ARHGAP10: variants seen among roughly 807,000 people sequenced by gnomAD.
ARHGAP10 encodes the protein Rho GTPase activating protein 10, also known as rho GTPase-activating protein 10.
ARHGAP10 carries 87 observed loss-of-function variants against 108.6 expected under a neutral mutation model. That is an observed-to-expected ratio of 0.80 (90% CI 0.67 to 0.96). The LOEUF (loss-of-function observed/expected upper bound fraction) is 0.96, where lower values mean the gene tolerates loss of function less well. Among genes scored for constraint, ARHGAP10 ranks in the 40% least tolerant of loss-of-function variants. The pLI is 0.00. For missense variants in ARHGAP10, 939 were observed against 954.5 expected (o/e 0.98, Z 0.21); for synonymous variants, 347 against 341.1 (o/e 1.02, Z -0.19).
intron 10 of ARHGAP10, among the ~76,000 whole-genome samples, chr4:147,890,457 G>A (rs1735754530): frequency 1.3e-5 from 2 of 152,160 alleles, no homozygotes; most frequent in Non-Finnish European, 2.9e-5. Context: ...AAGAACCATT[G>A]TAACTCAATA....
At chr4:148,050,156 C>T (rs1315507755) in intron 20 of ARHGAP10, among the ~76,000 whole-genome samples, 1 of 151,974 alleles carries the variant, frequency 6.6e-6, no homozygotes, top group African/African-American at 2.4e-5. Flanking sequence ...CGTGAGCTAC[C>T]GTGCCCTGCC....
chr4:147,936,634 C>T lies in ARHGAP10; in HGVS notation c.1229-3191C>T, dbSNP rs1737958504. Among the ~76,000 whole-genome samples the T allele has an allele frequency of 2.6e-5, 4 of 152,156 alleles. No individual in the cohort carries two copies. In the South Asian group the frequency reaches 6.2e-4, roughly 24 times the overall value. ...GTGAGCCACCGCGCCCGGCCCTTTT[C>T]CTCTCTTATAGTTGCTGAATGTTCG... On this transcript the variant is annotated intron_variant, in intron 13 of 22. Transcript: ENST00000336498.
At chr4:147,804,147 C>G (rs892104530) in intron 1 of ARHGAP10, among the ~76,000 whole-genome samples, 7 of 152,048 alleles carry the variant, frequency 4.6e-5, no homozygotes, top group East Asian at 1.9e-4. Flanking sequence ...GATCCTCACC[C>G]TCCTCCTACC....
intron 20 of ARHGAP10, among the ~76,000 whole-genome samples, chr4:148,061,874 A>G (rs1159405978): frequency 6.6e-6 from 1 of 152,210 alleles, no homozygotes; most frequent in Non-Finnish European, 1.5e-5. Flanking sequence ...GAGAACAACC[A>G]GTATCAATGT....
chr4:148,060,349 T>C (rs1386161616), intron 20 of ARHGAP10, among the ~76,000 whole-genome samples: 3 of 150,870 alleles, frequency 2.0e-5, no homozygotes, highest in Non-Finnish European at 3.0e-5. Flanking sequence ...TGTTTAGTTT[T>C]TTTTTTTTTT....
chr4:148,049,445 G>T (rs978736101), intron 20 of ARHGAP10, among the ~76,000 whole-genome samples: 1 of 152,182 alleles, frequency 6.6e-6, no homozygotes, highest in African/African-American at 2.4e-5. Flanking sequence ...TTCTAGGGTC[G>T]TGCGTTGCTG....
At chr4:147,832,339 TA>T (rs1210669885) in intron 3 of ARHGAP10, among the ~76,000 whole-genome samples, 12 of 151,738 alleles carry the variant, frequency 7.9e-5, no homozygotes, top group African/African-American at 2.7e-4. Context: ...TTTGACCACT[TA>T]ATTTTTTTTT....
At chr4:148,034,576 A>G (rs1195816751) in intron 19 of ARHGAP10, among the ~76,000 whole-genome samples, 1 of 151,084 alleles carries the variant, frequency 6.6e-6, no homozygotes, top group Non-Finnish European at 1.5e-5. Flanking sequence ...TGGTCCACAC[A>G]CTTCGGCCTC....
chr4:147,927,534 C>T (rs767590356), intron 13 of ARHGAP10, among the ~76,000 whole-genome samples: 16 of 152,232 alleles, frequency 1.1e-4, no homozygotes, highest in African/African-American at 3.6e-4. Flanking sequence ...CCATAAAACT[C>T]GGTAGCTGAG....
At position 147,895,256 on chromosome 4, in the gene ARHGAP10, A is replaced by G. The variant is rs368905999; in HGVS notation, c.1035-11382A>G. On this transcript the variant is annotated intron_variant, in intron 10 of 22. Coordinates refer to ENST00000336498, the MANE Select transcript of ARHGAP10 (RefSeq NM_024605.4). Reference sequence around the variant, plus strand: ...TACCTTTAATTTCCAACTGGTCACTATTAGCATGTAGAAACATACTTGGTT... The same window carrying G: ...TACCTTTAATTTCCAACTGGTCACTGTTAGCATGTAGAAACATACTTGGTT... Among the ~76,000 whole-genome samples, 20 of 152,166 alleles carry G rather than the reference A, an allele frequency of 1.3e-4. 1 individual carries two copies. The highest frequency in any genetic ancestry group is 4.6e-4 in the African/African-American group (19 of 41,536).
chr4:147,837,689 T>G (rs1313767322), intron 3 of ARHGAP10, among the ~76,000 whole-genome samples: 1 of 118,398 alleles, frequency 8.4e-6, no homozygotes, highest in Admixed American at 1.0e-4. Context: ...AATCCAAGTC[T>G]TGGATGGGAC....
At chr4:147,962,790 G>C (rs1212040965) in intron 16 of ARHGAP10, among the ~76,000 whole-genome samples, 2 of 151,840 alleles carry the variant, frequency 1.3e-5, no homozygotes, top group Non-Finnish European at 2.9e-5. Flanking sequence ...CAGTCTCCTG[G>C]GTAGCTGGGA....
chr4:147,795,248 C>T (rs1057419875), intron 1 of ARHGAP10, among the ~76,000 whole-genome samples: 1 of 152,122 alleles, frequency 6.6e-6, no homozygotes, highest in Non-Finnish European at 1.5e-5. Flanking sequence ...ATGCTATGCC[C>T]ATTTGAGTTT....
At chr4:148,024,326 T>A (rs75336104) in intron 19 of ARHGAP10, among the ~76,000 whole-genome samples, 283 of 152,342 alleles carry the variant, frequency 1.9e-3, no homozygotes, top group African/African-American at 6.3e-3. Context: ...TCATTTATTA[T>A]CCTTGAGCTA....
chr4:147,935,346 A>G (rs1373808305), intron 13 of ARHGAP10, among the ~76,000 whole-genome samples: 2 of 151,076 alleles, frequency 1.3e-5, no homozygotes, highest in Non-Finnish European at 2.9e-5. Flanking sequence ...AAATAAAAAG[A>G]TAGAAGACAG....
intron 3 of ARHGAP10, among the ~76,000 whole-genome samples, chr4:147,836,218 G>C (rs1733165275): frequency 6.6e-6 from 1 of 152,170 alleles, no homozygotes; most frequent in Admixed American, 6.5e-5. Context: ...GTAGACTTTG[G>C]TGATACATTG....
chr4:147,908,621 C>T (rs1238198387), intron 11 of ARHGAP10, among the ~76,000 whole-genome samples: 4 of 152,182 alleles, frequency 2.6e-5, no homozygotes, highest in Non-Finnish European at 5.9e-5. Flanking sequence ...TAAAGGTTGC[C>T]TAGAATTATC....
At chr4:147,891,563 G>A (rs1027624766) in intron 10 of ARHGAP10, among the ~76,000 whole-genome samples, 2 of 152,156 alleles carry the variant, frequency 1.3e-5, no homozygotes, top group African/African-American at 2.4e-5. Context: ...CTGTGGATAT[G>A]TTACAAGCTG....
At chr4:147,925,361 G>T (rs557469576) in intron 13 of ARHGAP10, among the ~76,000 whole-genome samples, 1 of 152,296 alleles carries the variant, frequency 6.6e-6, no homozygotes, top group Admixed American at 6.5e-5. Flanking sequence ...TCCCATCTCT[G>T]CAGCAGAGGA....
Sources: allele counts gnomAD v4.1 joint callset (sites outside exome capture counted in the v4.1 genomes callset), GRCh38; gene constraint gnomAD v4.1.1; transcripts MANE v1.5; gene names NCBI Gene and HGNC (gene_info 2026-07-23, HGNC 2026-07-21).